Variants in SLCO1A2 observed in about 807,000 individuals in gnomAD.
SLCO1A2 encodes solute carrier organic anion transporter family member 1A2.
Under a neutral mutation model 69.0 loss-of-function variants are expected in SLCO1A2, and 67 were observed. That is an observed-to-expected ratio of 0.97 (90% CI 0.80 to 1.19). The LOEUF (loss-of-function observed/expected upper bound fraction) is 1.19, where lower values mean the gene tolerates loss of function less well. SLCO1A2 is among the 50% of genes most tolerant of loss of function. SLCO1A2 has a pLI of 0.00. For synonymous variants in SLCO1A2, 260 were observed against 265.9 expected (o/e 0.98, Z 0.22); for missense variants, 787 against 793.7 (o/e 0.99, Z 0.10).
chr12:21,314,930 A>G (rs891691706), intron 3 of SLCO1A2, among the ~76,000 whole-genome samples: 6 of 152,322 alleles, frequency 3.9e-5, no homozygotes, highest in African/African-American at 1.4e-4. Flanking sequence ...CAGAGGGGAG[A>G]AGAAGAGAAG....
chr12:21,278,431 G>T (rs1591779987), intron 12 of SLCO1A2, among the ~76,000 whole-genome samples: 2 of 152,074 alleles, frequency 1.3e-5, no homozygotes, highest in South Asian at 4.2e-4. Context: ...GTGGGCCTTG[G>T]GTGAGACTAG....
At chr12:21,372,143 A>G (rs750979575) in intron 2 of SLCO1A2, among the ~76,000 whole-genome samples, 2 of 152,220 alleles carry the variant, frequency 1.3e-5, no homozygotes, top group Non-Finnish European at 2.9e-5. Context: ...TAATGTTCTC[A>G]TGGAGCTAAT....
chr12:21,336,702 A>G (rs1952903421), upstream of SLCO1A2, among the ~76,000 whole-genome samples: 2 of 152,008 alleles, frequency 1.3e-5, no homozygotes, highest in African/African-American at 4.8e-5. Flanking sequence ...GGTTAATATC[A>G]TAGTCATTGT....
chr12:21,328,833 G>A (rs947213456), intron 2 of SLCO1A2, among the ~76,000 whole-genome samples: 1 of 152,140 alleles, frequency 6.6e-6, no homozygotes, highest in African/African-American at 2.4e-5. Context: ...AAAGGGGAGG[G>A]GAGAGGTTAC....
At chr12:21,373,105 T>C (rs1250481640) in intron 2 of SLCO1A2, 2 of 532,956 alleles carry the variant, frequency 3.8e-6, no homozygotes, top group Non-Finnish European at 6.7e-6. Context: ...AAAGGGAGAA[T>C]GTATTACAAT....
chr12:21,305,024 A>G (rs1227701420), intron 5 of SLCO1A2, among the ~76,000 whole-genome samples: 1 of 152,208 alleles, frequency 6.6e-6, no homozygotes, highest in Non-Finnish European at 1.5e-5. Context: ...TTGGTACTAT[A>G]TTTATAAGAT....
chr12:21,291,453 T>C (rs920182968), intron 12 of SLCO1A2, among the ~76,000 whole-genome samples: 1 of 152,182 alleles, frequency 6.6e-6, no homozygotes. Flanking sequence ...TGGCCTATGA[T>C]GATAATGTGT....
chr12:21,361,841 G>A (rs561807197), intron 2 of SLCO1A2, among the ~76,000 whole-genome samples: 1 of 152,174 alleles, frequency 6.6e-6, no homozygotes, highest in African/African-American at 2.4e-5. Context: ...GAGAAGTTTA[G>A]AGAAAAAAGA....
chr12:21,401,816 C>G (rs189374923), intron 1 of SLCO1A2, among the ~76,000 whole-genome samples: 1 of 151,496 alleles, frequency 6.6e-6, no homozygotes. Context: ...GTACTAGTTA[C>G]TGTACAAAAC....
upstream of SLCO1A2, among the ~76,000 whole-genome samples, chr12:21,397,169 T>G (rs1293469657): frequency 5.9e-5 from 9 of 151,756 alleles, no homozygotes; most frequent in Admixed American, 5.9e-4. Context: ...AATAAAAGGA[T>G]GGAGGAAGAT....
chr12:21,405,925 T>C (rs2137199518), intron 1 of SLCO1A2, among the ~76,000 whole-genome samples: 1 of 152,326 alleles, frequency 6.6e-6, no homozygotes, highest in East Asian at 1.9e-4. Context: ...AGGATAATCA[T>C]AGCACCTACC....
intron 2 of SLCO1A2, among the ~76,000 whole-genome samples, chr12:21,347,213 G>C (rs1474160123): frequency 6.6e-6 from 1 of 152,142 alleles, no homozygotes; most frequent in Non-Finnish European, 1.5e-5. Flanking sequence ...GGACAAAAAT[G>C]TTGTAACTAT....
chr12:21,295,278 T>C (rs1947531400), intron 10 of SLCO1A2: 2 of 214,724 alleles, frequency 9.3e-6, no homozygotes, highest in South Asian at 1.7e-4. Context: ...TAACATATTT[T>C]AATACAACCT....
chr12:21,347,820 T>C (rs1953326467), intron 2 of SLCO1A2, among the ~76,000 whole-genome samples: 2 of 152,090 alleles, frequency 1.3e-5, no homozygotes, highest in Admixed American at 1.3e-4. Flanking sequence ...AATGGAAATA[T>C]GGACAAAAAA....
intron 4 of SLCO1A2, among the ~76,000 whole-genome samples, chr12:21,310,913 C>T (rs2136618446): frequency 6.6e-6 from 1 of 152,300 alleles, no homozygotes; most frequent in Admixed American, 6.5e-5. Flanking sequence ...GCACATAATG[C>T]TGTTTGATAG....
At chr12:21,350,404 T>C (rs1039556755) in intron 2 of SLCO1A2, among the ~76,000 whole-genome samples, 3 of 151,840 alleles carry the variant, frequency 2.0e-5, no homozygotes, top group Admixed American at 1.3e-4. Flanking sequence ...GAATAAAATA[T>C]GGTTATTTAA....
At chr12:21,334,959 T>C, upstream of SLCO1A2, 2 of 219,268 alleles carry the variant, frequency 9.1e-6, no homozygotes, top group Non-Finnish European at 1.8e-5. Flanking sequence ...AATTGTTTGT[T>C]ATGATCTTGC....
intron 2 of SLCO1A2, chr12:21,373,071 C>T (rs771281402): frequency 9.9e-6 from 4 of 403,496 alleles, no homozygotes; most frequent in Non-Finnish European, 1.8e-5. Flanking sequence ...GTGTTAAATT[C>T]ATGGTTTATT....
intron 2 of SLCO1A2, among the ~76,000 whole-genome samples, chr12:21,322,571 G>A (rs1283053208): frequency 6.6e-6 from 1 of 152,168 alleles, no homozygotes; most frequent in Non-Finnish European, 1.5e-5. Context: ...TAATATCTGG[G>A]TTATAATAAG....
Sources: allele counts gnomAD v4.1 joint callset (sites outside exome capture counted in the v4.1 genomes callset), GRCh38; gene constraint gnomAD v4.1.1; transcripts MANE v1.5; gene names NCBI Gene and HGNC (gene_info 2026-07-23, HGNC 2026-07-21).